The following RAD51B variants were observed in gnomAD, a reference collection of about 807,000 sequenced individuals.
RAD51B encodes the protein RAD51 paralog B, also known as DNA repair protein RAD51 homolog 2.
Under a neutral mutation model 42.2 loss-of-function variants are expected in RAD51B, and 38 were observed. The ratio of observed to expected loss-of-function variants is 0.90; its 90% CI spans 0.70 to 1.18. RAD51B has a LOEUF of 1.18. Among genes scored for constraint, RAD51B ranks in the 50% most tolerant of loss-of-function variants. The pLI is 0.00. For synonymous variants in RAD51B, 154 were observed against 145.2 expected (o/e 1.06, Z -0.43); for missense variants, 373 against 400.7 (o/e 0.93, Z 0.59).
intron 7 of RAD51B, among the ~76,000 whole-genome samples, chr14:67,942,071 TA>T (rs1197071725): frequency 6.6e-6 from 1 of 152,218 alleles, no homozygotes; most frequent in Non-Finnish European, 1.5e-5. Context: ...GCTAATAAAG[TA>T]GTTGGACCTG....
rs559353654 is a variant in RAD51B at position 68,228,554 on chromosome 14, A to G, written c.757-63330A>G. ...AAACCAACATCTTTGATTTTTTTTT[A>G]AAAGAACTTAGTTCTATTCATCATT... On this transcript the variant is annotated intron_variant, in intron 7 of 10. Coordinates refer to ENST00000471583, the MANE Select transcript of RAD51B (RefSeq NM_133510.4). 2.2e-4 allele frequency among the ~76,000 whole-genome samples: 34 copies of G among 152,210 alleles called. No homozygotes were observed. In the East Asian group the frequency reaches 5.6e-3, roughly 25 times the overall value.
chr14:68,163,590 A>G (rs1367764991), intron 7 of RAD51B, among the ~76,000 whole-genome samples: 1 of 151,986 alleles, frequency 6.6e-6, no homozygotes, highest in Non-Finnish European at 1.5e-5. Context: ...TTCCGCTCCC[A>G]TATTAAATTT....
intron 7 of RAD51B, among the ~76,000 whole-genome samples, chr14:68,197,697 T>C (rs1045264903): frequency 2.0e-5 from 3 of 152,256 alleles, no homozygotes; most frequent in Admixed American, 2.0e-4. Context: ...CTTGAAACAG[T>C]CTTGCACTGT....
intron 7 of RAD51B, among the ~76,000 whole-genome samples, chr14:67,927,971 T>C (rs775461651): frequency 5.9e-5 from 9 of 152,196 alleles, no homozygotes; most frequent in Non-Finnish European, 1.0e-4. Flanking sequence ...TTTTTTTTGT[T>C]GTAGCTTTGT....
chr14:68,388,447 TA>T (rs770220232), intron 8 of RAD51B, among the ~76,000 whole-genome samples: 6 of 152,124 alleles, frequency 3.9e-5, no homozygotes, highest in Non-Finnish European at 7.4e-5. Flanking sequence ...TACAGCAACA[TA>T]AATCTTCCCA....
In RAD51B at chr14:68,438,940, A is replaced by T. The variant is rs999970011; in HGVS notation, c.957+27413A>T. Among the ~76,000 whole-genome samples the T allele has an allele frequency of 2.0e-5, 3 of 152,096 alleles. 1 individual carries two copies. Among genetic ancestry groups the T allele is most frequent in the Non-Finnish European group, 4.4e-5 (3 of 68,008 alleles). ...GTTTTCTGAAAGACCCACATCTGCA[A>T]ATTGGGAATCAGGAATCCTTGCTTT... On this transcript the variant is annotated intron_variant, in intron 9 of 10. Transcript: ENST00000471583.
chr14:67,996,571 A>C (rs997438806), intron 7 of RAD51B, among the ~76,000 whole-genome samples: 1 of 152,180 alleles, frequency 6.6e-6, no homozygotes, highest in Non-Finnish European at 1.5e-5. Flanking sequence ...GCAAGATGAG[A>C]GCATGCTTGG....
At chr14:68,341,713 C>A (rs2139838340) in intron 8 of RAD51B, among the ~76,000 whole-genome samples, 1 of 152,246 alleles carries the variant, frequency 6.6e-6, no homozygotes, top group East Asian at 1.9e-4. Flanking sequence ...GGCATAAGGT[C>A]TTTTTTCTCT....
intron 7 of RAD51B, among the ~76,000 whole-genome samples, chr14:68,237,786 A>G (rs1414069945): frequency 8.1e-6 from 1 of 122,864 alleles, no homozygotes. Context: ...ACCAGGCTGG[A>G]GTGCAGTGGT....
chr14:68,213,218 T>TA (rs567804851), intron 7 of RAD51B, among the ~76,000 whole-genome samples: 221 of 152,364 alleles, frequency 1.5e-3, no homozygotes, highest in African/African-American at 5.1e-3. Flanking sequence ...ATTGAGTACT[T>TA]ACTGTGTGCC....
At chr14:68,307,023 C>G (rs1378306000) in intron 8 of RAD51B, among the ~76,000 whole-genome samples, 1 of 21,766 alleles carries the variant, frequency 4.6e-5, no homozygotes, top group African/African-American at 9.4e-5. Context: ...TTTTTTTTTC[C>G]CTATCTGGAA....
At chr14:68,332,224 A>G (rs971635722) in intron 8 of RAD51B, among the ~76,000 whole-genome samples, 2 of 152,070 alleles carry the variant, frequency 1.3e-5, no homozygotes, top group African/African-American at 4.8e-5. Flanking sequence ...TTACCCACCC[A>G]TCCCCCAAAT....
At chr14:67,866,987 G>T (rs900216723) in intron 5 of RAD51B, among the ~76,000 whole-genome samples, 1 of 152,142 alleles carries the variant, frequency 6.6e-6, no homozygotes, top group Admixed American at 6.5e-5. Context: ...ATTGTATTTG[G>T]TTTTTTATTC....
intron 10 of RAD51B, among the ~76,000 whole-genome samples, chr14:68,524,125 A>T (rs990554822): frequency 6.6e-6 from 1 of 152,192 alleles, no homozygotes; most frequent in African/African-American, 2.4e-5. Flanking sequence ...CAGGTGCTGT[A>T]ATTATCCTTA....
intron 9 of RAD51B, among the ~76,000 whole-genome samples, chr14:68,427,487 GGAGCCTTATTT>G (rs2084881616): frequency 6.6e-6 from 1 of 152,202 alleles, no homozygotes; most frequent in African/African-American, 2.4e-5. Flanking sequence ...AGGTTATTCT[GGAGCCTTATTT>G]GAGGTTGTTT....
intron 8 of RAD51B, among the ~76,000 whole-genome samples, chr14:68,334,070 T>A (rs571676385): frequency 6.6e-6 from 1 of 152,208 alleles, no homozygotes; most frequent in South Asian, 2.1e-4. Context: ...TAACATAATG[T>A]CTTCCAGGTT....
intron 10 of RAD51B, among the ~76,000 whole-genome samples, chr14:68,556,243 G>A (rs1888837776): frequency 6.6e-6 from 1 of 152,188 alleles, no homozygotes; most frequent in African/African-American, 2.4e-5. Context: ...GACCTCAAAC[G>A]TGAAAACCCA....
chr14:68,322,209 A>G (rs1234144413), intron 8 of RAD51B, among the ~76,000 whole-genome samples: 1 of 152,232 alleles, frequency 6.6e-6, no homozygotes, highest in Non-Finnish European at 1.5e-5. Context: ...ACTATGTTCG[A>G]CTTCTGTATG....
At chr14:68,492,573 T>C (rs182616266) in intron 10 of RAD51B, among the ~76,000 whole-genome samples, 100 of 152,356 alleles carry the variant, frequency 6.6e-4, no homozygotes, top group Admixed American at 1.4e-3. Context: ...ACATTTGTTC[T>C]TGTGTGTGAA....
Sources: allele counts gnomAD v4.1 joint callset (sites outside exome capture counted in the v4.1 genomes callset), GRCh38; gene constraint gnomAD v4.1.1; transcripts MANE v1.5; gene names NCBI Gene and HGNC (gene_info 2026-07-23, HGNC 2026-07-21).